Variants in LARGE1 observed in about 807,000 individuals in gnomAD.
LARGE1 encodes the protein xylosyl- and glucuronyltransferase LARGE1.
Under a neutral mutation model 87.6 loss-of-function variants are expected in LARGE1, and 43 were observed. The ratio of observed to expected loss-of-function variants is 0.49; its 90% CI spans 0.38 to 0.63. LARGE1 has a LOEUF of 0.63. LARGE1 is among the 30% of genes least tolerant of loss of function. The pLI, the probability that LARGE1 is intolerant of heterozygous loss-of-function variation, is 0.00. For missense variants in LARGE1, 802 were observed against 1,000.2 expected (o/e 0.80, Z 2.67); for synonymous variants, 434 against 394.6 (o/e 1.10, Z -1.18).
intron 9 of LARGE1, among the ~76,000 whole-genome samples, chr22:33,346,973 C>T (rs78367494): frequency 0.019 from 2,901 of 152,296 alleles, 40 homozygotes; most frequent in Non-Finnish European, 0.028. Flanking sequence ...ACCTTTCTAT[C>T]GTAAACAGAG....
chr22:33,666,724 A>G (rs1170709990), intron 2 of LARGE1, among the ~76,000 whole-genome samples: 5 of 152,178 alleles, frequency 3.3e-5, no homozygotes, highest in Admixed American at 6.5e-5. Context: ...AGTCTCCAGG[A>G]TGGCCTAGAA....
intron 9 of LARGE1, among the ~76,000 whole-genome samples, chr22:33,359,431 A>G (rs2064299920): frequency 6.6e-6 from 1 of 152,152 alleles, no homozygotes; most frequent in Admixed American, 6.5e-5. Context: ...CCAGCCAATC[A>G]TCCTGGAAAA....
At chr22:33,341,847 T>C (rs1939181678) in intron 9 of LARGE1, among the ~76,000 whole-genome samples, 1 of 152,122 alleles carries the variant, frequency 6.6e-6, no homozygotes, top group Non-Finnish European at 1.5e-5. Context: ...GCTCAGTGCT[T>C]CCATGTTAGA....
chr22:33,312,778 G>T, intron 11 of LARGE1, among the ~76,000 whole-genome samples: 1 of 152,222 alleles, frequency 6.6e-6, no homozygotes, highest in Non-Finnish European at 1.5e-5. Context: ...GGGGACAGAT[G>T]CAGTTGAAAG....
At chr22:33,740,185 A>T (rs935127393) in intron 2 of LARGE1, among the ~76,000 whole-genome samples, 2 of 152,138 alleles carry the variant, frequency 1.3e-5, no homozygotes, top group African/African-American at 4.8e-5. Context: ...TCCTTGGCCT[A>T]TTCCTAGTCA....
chr22:33,436,353 G>A (rs1569161478), intron 6 of LARGE1, among the ~76,000 whole-genome samples: 1 of 152,160 alleles, frequency 6.6e-6, no homozygotes, highest in East Asian at 1.9e-4. Context: ...TTATCCATGA[G>A]GTTTTCTTTG....
At position 33,649,971 on chromosome 22, in the gene LARGE1, A is replaced by G. The variant is rs1014058883; in HGVS notation, c.408+396T>C. ...AGTGAAGTGATAATGAGGTCTAAGA[A>G]AACTGCCCAACTGGGCCACAACTCC... On this transcript the variant is annotated intron_variant, in intron 3 of 14. Coordinates refer to ENST00000397394, the MANE Select transcript of LARGE1 (RefSeq NM_133642.5). Among the ~76,000 whole-genome samples, 6 of 152,336 alleles carry G rather than the reference A, an allele frequency of 3.9e-5. No individual in the cohort carries two copies. The South Asian group carries it at 6.2e-4, about 16-fold the overall frequency.
the LARGE1 span, among the ~76,000 whole-genome samples, chr22:33,136,837 T>C: frequency 1.3e-5 from 2 of 151,598 alleles, no homozygotes; most frequent in Non-Finnish European, 2.9e-5. Context: ...GGGTGGGAAA[T>C]AAAGGAGTGG....
chr22:33,919,799 G>A (rs1186341704), intron 1 of LARGE1, among the ~76,000 whole-genome samples, 196 bp downstream of exon 1: 2 of 152,214 alleles, frequency 1.3e-5, no homozygotes, highest in Admixed American at 1.3e-4. Context: ...GCCCTGAGGG[G>A]GTCCTGGGGA....
At chr22:33,729,066 G>C (rs1236229857) in intron 2 of LARGE1, among the ~76,000 whole-genome samples, 1 of 152,106 alleles carries the variant, frequency 6.6e-6, no homozygotes, top group East Asian at 1.9e-4. Flanking sequence ...ATAAAATAAT[G>C]CATAGAGATG....
At chr22:33,542,368 C>G (rs2077237771) in intron 6 of LARGE1, among the ~76,000 whole-genome samples, 1 of 151,772 alleles carries the variant, frequency 6.6e-6, no homozygotes, top group South Asian at 2.1e-4. Flanking sequence ...CGTCATTCTT[C>G]CTCACTCTGT....
At chr22:33,509,478 G>A (rs992114464) in intron 6 of LARGE1, among the ~76,000 whole-genome samples, 2 of 151,892 alleles carry the variant, frequency 1.3e-5, no homozygotes, top group Non-Finnish European at 2.9e-5. Flanking sequence ...AAGAGACAGG[G>A]TCTTGCTCTG....
Position 33,511,317 on chromosome 22 carries a change from AC to A in LARGE1, c.787+53530del, listed in dbSNP as rs1235371425. Among the ~76,000 whole-genome samples, 7 of 152,240 alleles carry A rather than the reference AC, an allele frequency of 4.6e-5. No individual in the cohort carries two copies. In the South Asian group the frequency reaches 1.2e-3, roughly 27 times the overall value. ...CCCCATGTGGTAATATTTATTGAGTACCCTTTAAACTATTAAGAATACTTTT... is the reference window on the plus strand; with the variant it reads ...CCCCATGTGGTAATATTTATTGAGTACCTTTAAACTATTAAGAATACTTTT... On this transcript the variant is annotated intron_variant, in intron 6 of 14. Transcript: ENST00000397394.
chr22:33,604,063 T>C (rs2079182939), intron 5 of LARGE1, among the ~76,000 whole-genome samples: 1 of 152,170 alleles, frequency 6.6e-6, no homozygotes, highest in Admixed American at 6.5e-5. Flanking sequence ...GATCAGTAAG[T>C]GACAACAGGC....
At chr22:33,196,653 C>T (rs1007071912) in intron 11 of LARGE1, among the ~76,000 whole-genome samples, 1 of 151,420 alleles carries the variant, frequency 6.6e-6, no homozygotes, top group Non-Finnish European at 1.5e-5. Context: ...TTTGGGATCT[C>T]CATAACAATA....
At chr22:33,113,643 G>A in the LARGE1 span, among the ~76,000 whole-genome samples, 1 of 152,200 alleles carries the variant, frequency 6.6e-6, no homozygotes, top group Non-Finnish European at 1.5e-5. Flanking sequence ...ATTTGGACAA[G>A]TTACTTAATC....
chr22:33,329,285 T>C (rs553111769), intron 10 of LARGE1, among the ~76,000 whole-genome samples: 90 of 149,560 alleles, frequency 6.0e-4, no homozygotes, highest in African/African-American at 1.9e-3. Flanking sequence ...CAATTCCATA[T>C]ACATTCAAAA....
chr22:33,538,611 A>T lies in LARGE1; in HGVS notation c.787+26237T>A, dbSNP rs142430133. Among the ~76,000 whole-genome samples, 576 of 152,288 alleles carry T rather than the reference A, an allele frequency of 3.8e-3. 6 individuals are homozygous for T. The highest frequency in any genetic ancestry group is 0.013 in the African/African-American group (556 of 41,560). On this transcript the variant is annotated intron_variant, in intron 6 of 14. Coordinates refer to ENST00000397394, the MANE Select transcript of LARGE1 (RefSeq NM_133642.5). ...TGTTGAGCCTTACTAGATGCTTGGA[A>T]TACAGAGATAAATAAAACAGGGCAC... is the stretch of plus-strand genomic sequence containing the variant.
chr22:33,483,753 G>A (rs2069439146), intron 6 of LARGE1, among the ~76,000 whole-genome samples: 1 of 152,180 alleles, frequency 6.6e-6, no homozygotes, highest in South Asian at 2.1e-4. Context: ...ACTGATGGAG[G>A]CAGGAAAGTG....
Sources: allele counts gnomAD v4.1 joint callset (sites outside exome capture counted in the v4.1 genomes callset), GRCh38; gene constraint gnomAD v4.1.1; transcripts MANE v1.5; gene names NCBI Gene and HGNC (gene_info 2026-07-23, HGNC 2026-07-21).